The following TRPS1 variants were observed in gnomAD, a reference collection of about 807,000 sequenced individuals.
The protein encoded by TRPS1 is zinc finger transcription factor Trps1.
TRPS1 carries 6 observed loss-of-function variants against 101.2 expected under a neutral mutation model. The ratio of observed to expected loss-of-function variants is 0.06; its 90% CI spans 0.03 to 0.12. TRPS1 has a LOEUF of 0.12. Among genes scored for constraint, TRPS1 ranks in the 10% least tolerant of loss-of-function variants. The pLI, the probability that TRPS1 is intolerant of heterozygous loss-of-function variation, is 1.00. For missense variants in TRPS1, 1,363 were observed against 1,567.0 expected (o/e 0.87, Z 2.20); for synonymous variants, 578 against 589.8 (o/e 0.98, Z 0.29).
intron 5 of TRPS1, among the ~76,000 whole-genome samples, chr8:115,506,815 A>C (rs1389435830): frequency 6.6e-6 from 1 of 152,146 alleles, no homozygotes; most frequent in Non-Finnish European, 1.5e-5. Flanking sequence ...CCCATTTTAA[A>C]ATCTCACAAG....
At chr8:115,485,008 A>G (rs530826840) in intron 5 of TRPS1, among the ~76,000 whole-genome samples, 3 of 152,316 alleles carry the variant, frequency 2.0e-5, no homozygotes, top group African/African-American at 7.2e-5. Context: ...CAGTTATTCA[A>G]TAACACTGAT....
chr8:115,523,794 T>C (rs981047051), intron 5 of TRPS1, among the ~76,000 whole-genome samples: 2 of 152,164 alleles, frequency 1.3e-5, no homozygotes, highest in Non-Finnish European at 2.9e-5. Flanking sequence ...GGAAGCTTTC[T>C]TTCCAGCCCA....
intron 5 of TRPS1, among the ~76,000 whole-genome samples, chr8:115,562,848 G>A (rs1035777140): frequency 8.0e-5 from 12 of 150,018 alleles, no homozygotes; most frequent in Non-Finnish European, 1.6e-4. Context: ...ATGAAAGAAC[G>A]CATGCCTACT....
Position 115,542,214 on chromosome 8 carries a change from C to A in TRPS1, c.2700+44787G>T, listed in dbSNP as rs573909057. ...AAGAATGGACTGTGTACACATCAGT[C>A]AGCATGACACAAAAATGCCCGGTCA... On this transcript the variant is annotated intron_variant, in intron 5 of 6. Transcript: ENST00000395715. 7.9e-5 allele frequency among the ~76,000 whole-genome samples: 12 copies of A among 152,258 alleles called. No individual in the cohort carries two copies. In the East Asian group the frequency reaches 2.1e-3, roughly 27 times the overall value.
chr8:115,475,144 T>C (rs1452733304), intron 5 of TRPS1, among the ~76,000 whole-genome samples: 1 of 151,752 alleles, frequency 6.6e-6, no homozygotes, highest in Non-Finnish European at 1.5e-5. Flanking sequence ...AGTCATTATT[T>C]TATAAACTTT....
At chr8:115,439,940 T>C (rs1813549220) in intron 5 of TRPS1, among the ~76,000 whole-genome samples, 2 of 152,228 alleles carry the variant, frequency 1.3e-5, no homozygotes, top group South Asian at 4.1e-4. Context: ...TTCAATTGTG[T>C]TATGGGCTGC....
chr8:115,417,737 T>C (rs1357460293), intron 6 of TRPS1, among the ~76,000 whole-genome samples: 2 of 152,126 alleles, frequency 1.3e-5, no homozygotes, highest in African/African-American at 4.8e-5. Context: ...TCTACCCTGG[T>C]GTGTGTGCTA....
chr8:115,505,476 T>C (rs930081818), intron 5 of TRPS1, among the ~76,000 whole-genome samples: 2 of 152,128 alleles, frequency 1.3e-5, no homozygotes, highest in Admixed American at 1.3e-4. Context: ...CTTCACCAGT[T>C]TTTTAAGATG....
chr8:115,447,743 G>A lies in TRPS1; in HGVS notation c.2701-29291C>T, dbSNP rs573677671. Among the ~76,000 whole-genome samples the A allele has an allele frequency of 3.3e-5, 5 of 152,012 alleles. No homozygotes were observed. In the East Asian group the frequency reaches 5.8e-4, roughly 18 times the overall value. On this transcript the variant is annotated intron_variant, in intron 5 of 6. Coordinates refer to ENST00000395715, the MANE Select transcript of TRPS1 (RefSeq NM_014112.5). Reference sequence around the variant, plus strand: ...TAATTCAGCAGATTAAAAAATACAAGTATTTTAACTGTTAACTTTTGTGAT... The same window carrying A: ...TAATTCAGCAGATTAAAAAATACAAATATTTTAACTGTTAACTTTTGTGAT...
intron 5 of TRPS1, among the ~76,000 whole-genome samples, chr8:115,498,025 C>A (rs1287389572): frequency 6.6e-6 from 1 of 152,116 alleles, no homozygotes; most frequent in Non-Finnish European, 1.5e-5. Context: ...AAACAATGGA[C>A]AGGTGTAATA....
chr8:115,433,153 T>C (rs1586268654), intron 5 of TRPS1, among the ~76,000 whole-genome samples: 1 of 151,946 alleles, frequency 6.6e-6, no homozygotes, highest in African/African-American at 2.4e-5. Context: ...GGGAAAGCAA[T>C]CGGGATCAGA....
chr8:115,624,538 A>G (rs1257051979), intron 1 of TRPS1, among the ~76,000 whole-genome samples: 11 of 151,962 alleles, frequency 7.2e-5, no homozygotes, highest in Non-Finnish European at 1.5e-4. Context: ...CTTTCCCAAA[A>G]TATTCTATTT....
At chr8:115,636,057 A>AT (rs1563660458) in intron 1 of TRPS1, among the ~76,000 whole-genome samples, 1 of 150,056 alleles carries the variant, frequency 6.7e-6, no homozygotes, top group East Asian at 1.9e-4. Context: ...ATTTTGATGC[A>AT]TTTTTTCATT....
intron 1 of TRPS1, among the ~76,000 whole-genome samples, chr8:115,663,733 A>C (rs1362039882): frequency 6.6e-6 from 1 of 151,390 alleles, no homozygotes; most frequent in Non-Finnish European, 1.5e-5. Context: ...AAAAAAAAAA[A>C]AAAAAAAAAA....
intron 5 of TRPS1, among the ~76,000 whole-genome samples, chr8:115,427,152 C>G: frequency 6.6e-6 from 1 of 151,532 alleles, no homozygotes; most frequent in East Asian, 1.9e-4. Context: ...TGGTATGCAT[C>G]TATAATCTGA....
At chr8:115,588,802 T>TG (rs1429632198) in intron 4 of TRPS1, among the ~76,000 whole-genome samples, 11 of 152,226 alleles carry the variant, frequency 7.2e-5, no homozygotes, top group African/African-American at 2.7e-4. Flanking sequence ...CTGTAAGTTA[T>TG]GTACTCATAC....
chr8:115,623,484 G>T, intron 2 of TRPS1, 117 bp downstream of exon 2: 2 of 1,224,880 alleles, frequency 1.6e-6, no homozygotes, highest in Non-Finnish European at 2.3e-6. Context: ...GATACCATAA[G>T]ACTATAGCCA....
At chr8:115,500,819 C>T (rs573311646) in intron 5 of TRPS1, among the ~76,000 whole-genome samples, 3 of 152,160 alleles carry the variant, frequency 2.0e-5, no homozygotes, top group East Asian at 3.9e-4. Context: ...GTAATCTGCC[C>T]GCCTCGGCCT....
chr8:115,606,811 A>C (rs1165783790), intron 3 of TRPS1, among the ~76,000 whole-genome samples: 1 of 23,674 alleles, frequency 4.2e-5, no homozygotes, highest in South Asian at 1.4e-3. Context: ...ATTTGCCAAA[A>C]AAAAAAAAAA....
Sources: allele counts gnomAD v4.1 joint callset (sites outside exome capture counted in the v4.1 genomes callset), GRCh38; gene constraint gnomAD v4.1.1; transcripts MANE v1.5; gene names NCBI Gene and HGNC (gene_info 2026-07-23, HGNC 2026-07-21).